CSMD2: variants seen among roughly 807,000 people sequenced by gnomAD.
The protein encoded by CSMD2 is CUB and sushi domain-containing protein 2.
CSMD2 carries 130 observed loss-of-function variants against 398.5 expected under a neutral mutation model. The observed-to-expected ratio is 0.33, with a 90% CI of 0.28 to 0.38. The LOEUF (loss-of-function observed/expected upper bound fraction) is 0.38, where lower values mean the gene tolerates loss of function less well. CSMD2 is among the 10% of genes least tolerant of loss of function. The pLI is 1.00. For synonymous variants in CSMD2, 1,828 were observed against 1,908.5 expected (o/e 0.96, Z 1.10); for missense variants, 3,829 against 4,764.9 (o/e 0.80, Z 5.78).
chr1:33,656,560 T>C (rs1643952609), intron 27 of CSMD2, among the ~76,000 whole-genome samples: 1 of 152,222 alleles, frequency 6.6e-6, no homozygotes, highest in Non-Finnish European at 1.5e-5. Context: ...GGCAGCGTAC[T>C]GCCTCCCATT....
intron 3 of CSMD2, among the ~76,000 whole-genome samples, chr1:33,981,604 C>T (rs1465962540): frequency 6.6e-6 from 1 of 152,250 alleles, no homozygotes; most frequent in Non-Finnish European, 1.5e-5. Flanking sequence ...CTGGGCCACG[C>T]ACTGAGTATA....
intron 36 of CSMD2, 104 bp downstream of exon 36, chr1:33,623,266 G>T: frequency 1.2e-6 from 1 of 816,296 alleles, no homozygotes; most frequent in Non-Finnish European, 2.0e-6. Context: ...TGAATTTCAT[G>T]GAATATAAGT....
intron 3 of CSMD2, among the ~76,000 whole-genome samples, chr1:34,004,001 C>G (rs1238128444): frequency 1.3e-5 from 2 of 152,206 alleles, no homozygotes; most frequent in Non-Finnish European, 2.9e-5. Flanking sequence ...CCTACCTGCC[C>G]TCTAGCCCCA....
intron 3 of CSMD2, among the ~76,000 whole-genome samples, chr1:33,939,267 C>T (rs570606527): frequency 6.6e-6 from 1 of 152,104 alleles, no homozygotes; most frequent in Admixed American, 6.5e-5. Context: ...TATGATCAGT[C>T]CCTGCTGCTG....
chr1:33,779,990 T>C (rs1271038471), intron 12 of CSMD2, among the ~76,000 whole-genome samples: 2 of 151,992 alleles, frequency 1.3e-5, no homozygotes, highest in Non-Finnish European at 2.9e-5. Context: ...AGAGAAGAGC[T>C]AGAAGCTCAG....
upstream of CSMD2, chr1:34,165,345 G>A (rs1641793643): frequency 8.3e-7 from 1 of 1,201,306 alleles, no homozygotes; most frequent in Non-Finnish European, 1.0e-6. Context: ...ATTATCCCCG[G>A]ATTAATCACT....
chr1:33,670,239 G>C (rs900165258), intron 25 of CSMD2, among the ~76,000 whole-genome samples: 2 of 152,122 alleles, frequency 1.3e-5, no homozygotes, highest in Non-Finnish European at 2.9e-5. Flanking sequence ...TCCCTGTCTT[G>C]CTGAATCCCT....
At chr1:33,716,771 AAG>A (rs1257676914) in intron 19 of CSMD2, among the ~76,000 whole-genome samples, 1 of 152,188 alleles carries the variant, frequency 6.6e-6, no homozygotes, top group Admixed American at 6.5e-5. Flanking sequence ...CAAAATTTAA[AAG>A]AGAGATTTAT....
chr1:33,979,415 C>T (rs897455137), intron 3 of CSMD2, among the ~76,000 whole-genome samples: 1 of 152,268 alleles, frequency 6.6e-6, no homozygotes, highest in East Asian at 1.9e-4. Context: ...CCATCCAAAG[C>T]GTCGTCAACC....
rs774452654 is a variant in CSMD2 at position 33,602,518 on chromosome 1, G to A, written c.6561C>T (p.Ser2187=). The change falls in exon 43 of 71, where the codon TCC becomes TCT. Residue 2187 remains serine, a synonymous_variant. Transcript: ENST00000373381. The part of the protein sequence containing the change: ...EVPCGGNITS[S]NGTVYSPGFP... ...ACCCCGGGGAGTACACAGTGCCGTT[G>A]GAAGAAGTGATGTTCCCGCCACAAG... 5 of 1,592,398 alleles carry A rather than the reference G, an allele frequency of 3.1e-6. No homozygotes were observed. The highest frequency in any genetic ancestry group is 4.3e-6 in the Non-Finnish European group (5 of 1,169,974).
intron 3 of CSMD2, among the ~76,000 whole-genome samples, chr1:33,945,582 C>T (rs1425374217): frequency 6.6e-6 from 1 of 152,128 alleles, no homozygotes; most frequent in African/African-American, 2.4e-5. Context: ...GTTTGGGATA[C>T]AGCAAGATTG....
chr1:34,161,510 G>A (rs530823952), intron 1 of CSMD2, among the ~76,000 whole-genome samples: 1 of 152,318 alleles, frequency 6.6e-6, no homozygotes, highest in East Asian at 1.9e-4. Flanking sequence ...GAAGGAACAC[G>A]CAAGAGATAG....
At chr1:33,923,168 T>G (rs1355854832) in intron 4 of CSMD2, among the ~76,000 whole-genome samples, 6 of 152,136 alleles carry the variant, frequency 3.9e-5, no homozygotes, top group African/African-American at 1.2e-4. Context: ...GTGATATAGT[T>G]TGAATGTCCC....
At chr1:33,953,451 T>C (rs1004632903) in intron 3 of CSMD2, among the ~76,000 whole-genome samples, 1 of 152,168 alleles carries the variant, frequency 6.6e-6, no homozygotes, top group African/African-American at 2.4e-5. Flanking sequence ...ACTTGCAACG[T>C]TTCCATGATG....
chr1:33,826,949 T>C (rs773272661), intron 6 of CSMD2, among the ~76,000 whole-genome samples: 5 of 152,198 alleles, frequency 3.3e-5, no homozygotes, highest in Non-Finnish European at 5.9e-5. Context: ...ACGTGCCAGG[T>C]CCAGGGTGCT....
chr1:33,841,331 A>C (rs1660828959), intron 6 of CSMD2, among the ~76,000 whole-genome samples: 1 of 152,190 alleles, frequency 6.6e-6, no homozygotes, highest in South Asian at 2.1e-4. Flanking sequence ...AGTGAGTCAA[A>C]GTGATTGATG....
intron 5 of CSMD2, among the ~76,000 whole-genome samples, chr1:33,867,427 C>A (rs1422366207): frequency 6.6e-6 from 1 of 152,208 alleles, no homozygotes; most frequent in African/African-American, 2.4e-5. Context: ...AAGCAATGCA[C>A]ACAGCTAAGC....
intron 1 of CSMD2, among the ~76,000 whole-genome samples, chr1:34,118,241 C>A (rs557935811): frequency 1.3e-5 from 2 of 152,080 alleles, no homozygotes; most frequent in African/African-American, 4.8e-5. Flanking sequence ...AAACACTCAA[C>A]AAACTAGGAA....
In CSMD2 at chr1:33,550,276, C is replaced by T. The variant is rs1176560994; in HGVS notation, c.8818G>A (p.Val2940Met). The change falls in exon 56 of 71, where the codon GTG (valine) becomes ATG (methionine). Residue 2940 changes from valine (V) to methionine (M), a missense_variant. Physicochemically the swap from Val to Met is conservative, Grantham distance 21. Transcript: ENST00000373381. The stretch of plus-strand genomic sequence containing the variant: ...CGCTTGCCGATGCAGCTGTACCGCA[C>T]CACTGCTCCCACAGTATAACTGTCT... ...SGDSYTVGAV[V>M]RYSCIGKRTL... The T allele has an allele frequency of 1.2e-6, 2 of 1,614,136 alleles. No individual in the cohort carries two copies. Among genetic ancestry groups the T allele is most frequent in the African/African-American group, 2.7e-5 (2 of 74,952 alleles).
Sources: allele counts gnomAD v4.1 joint callset (sites outside exome capture counted in the v4.1 genomes callset), GRCh38; gene constraint gnomAD v4.1.1; transcripts MANE v1.5; gene names NCBI Gene and HGNC (gene_info 2026-07-23, HGNC 2026-07-21).